The following TBC1D5 variants were observed in gnomAD, a reference collection of about 807,000 sequenced individuals.
TBC1D5 encodes TBC1 domain family, member 5.
TBC1D5 carries 75 observed loss-of-function variants against 100.3 expected under a neutral mutation model. The observed-to-expected ratio is 0.75, with a 90% CI of 0.62 to 0.91. TBC1D5 has a LOEUF of 0.91. Among genes scored for constraint, TBC1D5 ranks in the 40% least tolerant of loss-of-function variants. The probability of loss-of-function intolerance (pLI) is 0.00; values close to 1 mark genes in which losing one functional copy is unlikely to be tolerated. For synonymous variants in TBC1D5, 323 were observed against 325.6 expected, an observed-to-expected ratio of 0.99 and a Z score of 0.09; for missense variants, 910 against 942.4, an observed-to-expected ratio of 0.97 and a Z score of 0.45.
chr3:17,508,651 G>C, intron 2 of TBC1D5, 46 bp from the exon 3 acceptor site: 1 of 947,586 alleles, frequency 1.1e-6, no homozygotes, highest in South Asian at 1.4e-5. Context: ...TTCTTTTTCT[G>C]CTATGACTGG....
intron 1 of TBC1D5, among the ~76,000 whole-genome samples, chr3:17,707,517 A>T (rs2074296876): frequency 6.6e-6 from 1 of 152,196 alleles, no homozygotes; most frequent in Admixed American, 6.5e-5. Flanking sequence ...TACAACATCA[A>T]CAAAATCAAT....
At chr3:17,227,851 A>T (rs377190674) in intron 17 of TBC1D5, among the ~76,000 whole-genome samples, 1 of 132,998 alleles carries the variant, frequency 7.5e-6, no homozygotes, top group Non-Finnish European at 1.6e-5. Context: ...CTAAAATAAA[A>T]GTTTTTTTTT....
intron 2 of TBC1D5, among the ~76,000 whole-genome samples, chr3:17,577,092 A>G (rs919151330): frequency 6.6e-6 from 1 of 151,968 alleles, no homozygotes; most frequent in Non-Finnish European, 1.5e-5. Flanking sequence ...GTAAAAGGCT[A>G]TTATATGTAC....
At chr3:17,535,708 A>T (rs74962584) in intron 2 of TBC1D5, among the ~76,000 whole-genome samples, 3,178 of 152,246 alleles carry the variant, frequency 0.021, 98 homozygotes, top group African/African-American at 0.071. Flanking sequence ...AATAAAAAAA[A>T]GTTGCGGGAT....
intron 2 of TBC1D5, among the ~76,000 whole-genome samples, chr3:17,585,833 G>A (rs894883380): frequency 5.3e-5 from 8 of 152,004 alleles, no homozygotes; most frequent in Non-Finnish European, 8.8e-5. Context: ...TATAGGACTC[G>A]GCTCATAAAT....
intron 13 of TBC1D5, among the ~76,000 whole-genome samples, chr3:17,349,468 C>T (rs967004436): frequency 6.6e-6 from 1 of 152,148 alleles, no homozygotes; most frequent in East Asian, 1.9e-4. Flanking sequence ...AATATCTGGG[C>T]TTTCATTTGA....
intron 18 of TBC1D5, among the ~76,000 whole-genome samples, chr3:17,204,585 A>T (rs1264517492): frequency 1.3e-5 from 2 of 152,162 alleles, no homozygotes; most frequent in Non-Finnish European, 2.9e-5. Flanking sequence ...TATATAGAGG[A>T]TGAAGATAAA....
At chr3:17,655,838 G>A (rs1405327788) in intron 1 of TBC1D5, among the ~76,000 whole-genome samples, 2 of 152,128 alleles carry the variant, frequency 1.3e-5, no homozygotes, top group African/African-American at 4.8e-5. Context: ...TTAGCCAAAA[G>A]GCCAAGAAGT....
chr3:17,185,004 G>A (rs2068853725), intron 19 of TBC1D5, 105 bp downstream of exon 20: 2 of 874,502 alleles, frequency 2.3e-6, no homozygotes, highest in South Asian at 2.0e-5. Context: ...GATTAAATAA[G>A]GTAATTCATG....
chr3:17,457,238 T>G (rs1452266478), intron 3 of TBC1D5, among the ~76,000 whole-genome samples: 1 of 152,168 alleles, frequency 6.6e-6, no homozygotes, highest in Non-Finnish European at 1.5e-5. Flanking sequence ...TGTCTGTCAT[T>G]AATTTTGAAA....
intron 2 of TBC1D5, among the ~76,000 whole-genome samples, chr3:17,616,971 T>G (rs1344148713): frequency 6.6e-6 from 1 of 152,262 alleles, no homozygotes; most frequent in Non-Finnish European, 1.5e-5. Flanking sequence ...TTGATGCAGT[T>G]TCTTCATAGC....
At chr3:17,738,902 G>A (rs2077174225) in intron 1 of TBC1D5, among the ~76,000 whole-genome samples, 1 of 152,100 alleles carries the variant, frequency 6.6e-6, no homozygotes, top group Admixed American at 6.5e-5. Context: ...ATTTTTAAAT[G>A]TTTACCTAAC....
intron 2 of TBC1D5, among the ~76,000 whole-genome samples, chr3:17,566,139 T>C (rs967132084): frequency 4.6e-5 from 7 of 152,018 alleles, no homozygotes; most frequent in Admixed American, 2.0e-4. Context: ...TTCTGTAACA[T>C]AGATAAGCTT....
intron 1 of TBC1D5, among the ~76,000 whole-genome samples, chr3:17,633,425 G>A (rs1469220430): frequency 6.6e-6 from 1 of 152,048 alleles, no homozygotes; most frequent in Non-Finnish European, 1.5e-5. Flanking sequence ...CAACAACAGC[G>A]AGACTCCATC....
At chr3:17,167,649 AG>A (rs1458157708) in intron 20 of TBC1D5, 99 bp downstream of exon 21, 37 of 1,019,888 alleles carry the variant, frequency 3.6e-5, no homozygotes, top group Admixed American at 9.7e-5. Flanking sequence ...AATGAGGGTT[AG>A]GGGGATGCTG....
In TBC1D5 at chr3:17,591,263, AAAAC is replaced by A. The variant is rs1159429402; in HGVS notation, c.-36+32582_-36+32585del. On this transcript the variant is annotated intron_variant, in intron 2 of 21. Transcript: ENST00000253692. ...AAAAAAAAAAAAAAAAAAAAAAAAA[AAAAC>A]AAAAACCCCAGAGAATCATGGCCCC... is the stretch of plus-strand genomic sequence containing the variant. 3.1e-3 allele frequency among the ~76,000 whole-genome samples: 349 copies of A among 111,332 alleles called. 29 individuals carry two copies. The highest frequency in any genetic ancestry group is 4.4e-3 in the African/African-American group (113 of 25,728). The allele number at this position is 111,332 out of a possible 152,430, so 73.0% of individuals were successfully genotyped here.
At chr3:17,488,019 T>G (rs1028873890) in intron 3 of TBC1D5, among the ~76,000 whole-genome samples, 1 of 152,200 alleles carries the variant, frequency 6.6e-6, no homozygotes, top group Non-Finnish European at 1.5e-5. Context: ...TAAGCTTCAC[T>G]CTTTGTGCTA....
chr3:17,392,067 G>T (rs1012470698), intron 8 of TBC1D5, among the ~76,000 whole-genome samples: 12 of 152,060 alleles, frequency 7.9e-5, no homozygotes, highest in Non-Finnish European at 1.6e-4. Context: ...TCTGGGCAAA[G>T]ATCAAATCTA....
intron 18 of TBC1D5, among the ~76,000 whole-genome samples, chr3:17,196,130 A>G (rs767087749): frequency 2.6e-5 from 4 of 152,252 alleles, no homozygotes; most frequent in Non-Finnish European, 5.9e-5. Context: ...AAGCGCCTGC[A>G]AGAGCCTTAT....
Sources: gnomAD v4.1 joint callset for allele counts (sites outside exome capture counted in the v4.1 genomes callset) on GRCh38, gnomAD v4.1.1 for gene constraint, MANE v1.5 for transcripts, NCBI Gene and HGNC (gene_info 2026-07-23, HGNC 2026-07-21) for gene names.